Variants in BBIP1 observed in about 807,000 individuals in gnomAD.
BBIP1 encodes the protein BBSome interacting protein 1, also known as BBSome-interacting protein 1.
A neutral mutation model predicts 8.9 loss-of-function variants in BBIP1; 6 were observed. That is an observed-to-expected ratio of 0.67 (90% confidence interval 0.37 to 1.33). The LOEUF is 1.33. Among genes scored for constraint, BBIP1 ranks in the 40% most tolerant of loss-of-function variants. The pLI, the probability that BBIP1 is intolerant of heterozygous loss-of-function variation, is 0.02. For missense variants in BBIP1, 111 were observed against 109.2 expected (o/e 1.02, Z -0.07); for synonymous variants, 32 against 33.4 (o/e 0.96, Z 0.14).
intron 2 of BBIP1, among the ~76,000 whole-genome samples, chr10:110,909,425 A>C (rs1381066100): frequency 2.6e-5 from 4 of 152,088 alleles, no homozygotes; most frequent in Admixed American, 2.6e-4. Context: ...CGATCTCCTG[A>C]CCTCGTGATC....
chr10:110,918,665 C>A (rs1019110227), intron 1 of BBIP1, among the ~76,000 whole-genome samples: 2 of 152,226 alleles, frequency 1.3e-5, no homozygotes, highest in African/African-American at 4.8e-5. Flanking sequence ...GTTAGGGCGG[C>A]CTGTAGAGCG....
Position 110,919,129 on chromosome 10 carries a change from C to T in BBIP1, c.-65G>A, listed in dbSNP as rs1396683834. On this transcript the variant is annotated 5_prime_UTR_variant, in exon 1 of 4. Coordinates refer to ENST00000448814, the MANE Select transcript of BBIP1 (RefSeq NM_001195305.3). ...TCTTTGGGCTTACTTACAGATGCAT[C>T]CCTTCCCAGACGGCTCAGCTGTTGC... 6.5e-6 allele frequency: 1 copy of T among 154,418 alleles called. No homozygotes were observed. Among genetic ancestry groups the T allele is most frequent in the East Asian group, 1.9e-4 (1 of 5,284 alleles). 9.6% of individuals were successfully genotyped at this position (154,418 alleles called of 1,614,324 possible). A position where few individuals can be genotyped will look rare whatever the true frequency, so the allele number is the denominator to read the frequency against.
chr10:110,901,392 A>C (rs983714640), intron 3 of BBIP1, 146 bp downstream of exon 3: 2 of 620,662 alleles, frequency 3.2e-6, no homozygotes, highest in African/African-American at 3.7e-5. Context: ...GATGTCATGA[A>C]AAAGCATATA....
intron 1 of BBIP1, among the ~76,000 whole-genome samples, chr10:110,918,442 G>C (rs1846491846): frequency 6.6e-6 from 1 of 152,224 alleles, no homozygotes; most frequent in South Asian, 2.1e-4. Context: ...CCTGGTGGTA[G>C]GGGCTCATCT....
intron 2 of BBIP1, chr10:110,907,009 T>C (rs1445275234): frequency 1.3e-5 from 2 of 152,260 alleles, no homozygotes; most frequent in African/African-American, 4.8e-5. Flanking sequence ...AATTAGGTAT[T>C]CCTTCAGTAT....
intron 1 of BBIP1, 89 bp from the exon 2 acceptor site, chr10:110,918,302 TG>T (rs2134053839): frequency 1.5e-6 from 1 of 672,758 alleles, no homozygotes; most frequent in Non-Finnish European, 2.5e-6. Flanking sequence ...TTTAAGAAAC[TG>T]TAGACCTGCA....
At chr10:110,916,544 T>C (rs1020709061) in intron 2 of BBIP1, among the ~76,000 whole-genome samples, 14 of 152,240 alleles carry the variant, frequency 9.2e-5, no homozygotes, top group Admixed American at 6.5e-4. Flanking sequence ...CAATTAAGAC[T>C]TGCATGAGAA....
At chr10:110,915,408 C>A (rs1331899118) in intron 2 of BBIP1, among the ~76,000 whole-genome samples, 2 of 152,178 alleles carry the variant, frequency 1.3e-5, no homozygotes, top group Non-Finnish European at 2.9e-5. Flanking sequence ...CCCACCCAAG[C>A]CTCCCAAATT....
chr10:110,910,437 A>C (rs1457855767), intron 2 of BBIP1, among the ~76,000 whole-genome samples: 1 of 152,210 alleles, frequency 6.6e-6, no homozygotes, highest in East Asian at 1.9e-4. Context: ...GATGGTTCTA[A>C]GCAGTTACAT....
At position 110,900,280 on chromosome 10, in the gene BBIP1, T is replaced by C; in HGVS notation, c.*80A>G. On this transcript the variant is annotated 3_prime_UTR_variant, in exon 4 of 4. Coordinates refer to ENST00000448814, the MANE Select transcript of BBIP1 (RefSeq NM_001195305.3). The stretch of plus-strand genomic sequence containing the variant: ...ATTTTATTGATAACACATACTACTT[T>C]CAGCACACAGAAGCATATTTTCTAG... 1.9e-5 allele frequency: 25 copies of C among 1,299,778 alleles called. No individual in the cohort carries two copies. The highest frequency in any genetic ancestry group is 2.5e-5 in the Non-Finnish European group (24 of 972,334). 80.5% of individuals were successfully genotyped at this position (1,299,778 alleles called of 1,614,324 possible). A position where few individuals can be genotyped will look rare whatever the true frequency, so the allele number is the denominator to read the frequency against.
intron 2 of BBIP1, chr10:110,903,343 CTGTT>C (rs1156306984): frequency 6.6e-6 from 1 of 152,290 alleles, no homozygotes. Context: ...CCTCAGTTCT[CTGTT>C]TGACTAAGCT....
chr10:110,912,879 T>G (rs1196196978), intron 2 of BBIP1, among the ~76,000 whole-genome samples: 1 of 152,180 alleles, frequency 6.6e-6, no homozygotes, highest in African/African-American at 2.4e-5. Context: ...TATCTAAACT[T>G]ATCAGCTTAT....
intron 2 of BBIP1, 78 bp downstream of exon 2, chr10:110,918,043 G>T: frequency 7.7e-7 from 1 of 1,291,598 alleles, no homozygotes; most frequent in Non-Finnish European, 1.1e-6. Flanking sequence ...AAGTACTAAG[G>T]AAGCAGAAAT....
At chr10:110,910,417 G>C (rs1202388973) in intron 2 of BBIP1, among the ~76,000 whole-genome samples, 2 of 152,174 alleles carry the variant, frequency 1.3e-5, no homozygotes, top group Non-Finnish European at 2.9e-5. Context: ...AGTCAGGAGG[G>C]AGCTAACTGG....
chr10:110,915,283 G>T (rs1846375696), intron 2 of BBIP1, among the ~76,000 whole-genome samples: 1 of 151,840 alleles, frequency 6.6e-6, no homozygotes, highest in Non-Finnish European at 1.5e-5. Context: ...TAGCCTCCCA[G>T]GTAGCTGCGA....
At chr10:110,917,616 G>A (rs910070418) in intron 2 of BBIP1, among the ~76,000 whole-genome samples, 1 of 152,184 alleles carries the variant, frequency 6.6e-6, no homozygotes, top group Non-Finnish European at 1.5e-5. Context: ...TTGAGTAGCA[G>A]GCGCTCAGCT....
At chr10:110,918,321 C>T (rs1185069153) in intron 1 of BBIP1, 108 bp from the exon 2 acceptor site, 2 of 619,600 alleles carry the variant, frequency 3.2e-6, no homozygotes, top group Non-Finnish European at 5.6e-6. Flanking sequence ...GCAGGAATCC[C>T]ACCACCAGAA....
chr10:110,903,731 T>G (rs1846062773), intron 2 of BBIP1: 1 of 152,138 alleles, frequency 6.6e-6, no homozygotes, highest in Non-Finnish European at 1.5e-5. Context: ...CTAGATGGTA[T>G]AGCCTCTTAC....
intron 2 of BBIP1, among the ~76,000 whole-genome samples, chr10:110,915,003 G>C (rs536319529): frequency 2.4e-4 from 36 of 152,284 alleles, no homozygotes; most frequent in African/African-American, 7.0e-4. Context: ...TTTCAACAGT[G>C]TGCAAGGAAA....
Sources: gnomAD v4.1 joint callset for allele counts (sites outside exome capture counted in the v4.1 genomes callset) on GRCh38, gnomAD v4.1.1 for gene constraint, MANE v1.5 for transcripts, NCBI Gene and HGNC (gene_info 2026-07-23, HGNC 2026-07-21) for gene names.